Variants in ENPP5 observed in about 807,000 individuals in gnomAD.
ENPP5 encodes the protein ectonucleotide pyrophosphatase/phosphodiesterase family member 5.
A neutral mutation model predicts 33.7 loss-of-function variants in ENPP5; 27 were observed. The ratio of observed to expected loss-of-function variants is 0.80; its 90% CI spans 0.59 to 1.11. The LOEUF (loss-of-function observed/expected upper bound fraction) is 1.11. Ranked by LOEUF, ENPP5 falls within the 50% of genes least tolerant of loss-of-function variation. The probability of loss-of-function intolerance (pLI) is 0.00; values close to 1 mark genes in which losing one functional copy is unlikely to be tolerated. For missense variants in ENPP5, 552 were observed against 579.2 expected (o/e 0.95, Z 0.48); for synonymous variants, 199 against 200.5 (o/e 0.99, Z 0.06).
intron 4 of ENPP5, among the ~76,000 whole-genome samples, chr6:46,164,584 A>G (rs1174618158): frequency 1.3e-5 from 2 of 152,164 alleles, no homozygotes; most frequent in Non-Finnish European, 2.9e-5. Context: ...GGGCCCTTTG[A>G]ATTTATATTA....
intron 4 of ENPP5, among the ~76,000 whole-genome samples, chr6:46,163,968 C>T (rs1277141347): frequency 3.3e-5 from 5 of 152,286 alleles, no homozygotes; most frequent in Admixed American, 2.0e-4. Flanking sequence ...AAGACTTAAA[C>T]GCTAGACCTA....
In ENPP5 at chr6:46,167,651, C is replaced by T. The variant is rs201860227; in HGVS notation, c.612G>A (p.Met204Ile). 16 of 1,614,180 alleles carry T rather than the reference C, an allele frequency of 9.9e-6. 1 individual carries two copies. The Admixed American group carries it at 2.2e-4, about 22-fold the overall frequency. Residue 204 changes from methionine (M) to isoleucine (I), a missense_variant, in exon 3 of 5, where the codon ATG becomes ATA. Met to Ile is a conservative substitution (Grantham distance 10, BLOSUM62 1). Coordinates refer to ENST00000371383, the MANE Select transcript of ENPP5 (RefSeq NM_001290072.2). ...TGTCAATATCTGAAATGACAGGCCC[C>T]ATGAGCGGACTGTCAGGTCCCAAAT... is the stretch of plus-strand genomic sequence containing the variant. ...GHHLGPDSPL[M>I]GPVISDIDKK...
Position 46,161,385 on chromosome 6 carries a change from G to T in ENPP5, c.1375C>A (p.Gln459Lys), listed in dbSNP as rs1425921343. The T allele has an allele frequency of 1.2e-6, 2 of 1,613,474 alleles. No individual in the cohort carries two copies. The highest frequency in any genetic ancestry group is 1.1e-5 in the South Asian group (1 of 91,030). The change falls in exon 5 of 5, where the codon CAA becomes AAA. Residue 459 changes from glutamine (Q) to lysine (K), a missense_variant. Transcript: ENST00000371383. ...TGCATATCTTGTAAGGCAGGTATTT[G>T]ACTGTGAATTAAATGCTTAATGAAA... ...VIFIKHLIHS[Q>K]IPALQDMHAE...
intron 3 of ENPP5, 127 bp downstream of exon 3, chr6:46,167,307 C>A: frequency 1.5e-5 from 10 of 655,170 alleles, no homozygotes; most frequent in South Asian, 7.6e-5. Context: ...GGATTAAATC[C>A]CAGAATATTA....
intron 1 of ENPP5, 140 bp downstream of exon 1, chr6:46,170,668 T>C (rs7740398): frequency 0.31 from 46,460 of 151,986 alleles, 7,581 homozygotes; most frequent in Middle Eastern, 0.41. Flanking sequence ...GCGTAGGTTA[T>C]GTTCCCAATT....
In ENPP5 at chr6:46,161,738, T is replaced by C; in HGVS notation, c.1022A>G (p.Tyr341Cys). The C allele has an allele frequency of 6.2e-7, 1 of 1,609,126 alleles. No homozygotes were observed. Among genetic ancestry groups the C allele is most frequent in the Non-Finnish European group, 8.5e-7 (1 of 1,179,354 alleles). ...SDDFLLGNHG[Y>C]DNALADMHPI... ...ATGCATATCTGCTAACGCATTATCG[T>C]AACCGTGGTTGCCTACTGTAAAGAG... Residue 341 changes from tyrosine (Y) to cysteine (C), a missense_variant, in exon 5 of 5, where the codon TAC becomes TGC. Coordinates refer to ENST00000371383, the MANE Select transcript of ENPP5 (RefSeq NM_001290072.2).
In ENPP5 at chr6:46,160,155, A is replaced by G. The variant is rs1764341256; in HGVS notation, c.*1171T>C. On this transcript the variant is annotated 3_prime_UTR_variant, in exon 5 of 5. Coordinates refer to ENST00000371383, the MANE Select transcript of ENPP5 (RefSeq NM_001290072.2). ...CCCGTGTTTTGATACCTGTTACCAC[A>G]AAGAGTTATTTTGCTGCTTTTTCTA... The G allele has an allele frequency of 6.6e-6, 1 of 152,192 alleles. No homozygotes were observed. The highest frequency in any genetic ancestry group is 2.4e-5 in the African/African-American group (1 of 41,450). The allele number at this position is 152,192 out of a possible 1,614,324, so 9.4% of individuals were successfully genotyped here.
rs572388465 is a variant in ENPP5, at chr6:46,170,791, C to G, written c.-98+17G>C. On this transcript the variant is annotated intron_variant, in intron 1 of 4. Coordinates refer to ENST00000371383, the MANE Select transcript of ENPP5 (RefSeq NM_001290072.2). ...GTGGGTTCCCGGGAGGGAAGCCACC[C>G]ACGCCCCTGGACTCACCCTCGCAGC... 1 of 152,396 alleles carries G rather than the reference C, an allele frequency of 6.6e-6. No homozygotes were observed. Among genetic ancestry groups the G allele is most frequent in the Non-Finnish European group, 1.5e-5 (1 of 68,150 alleles). 9.4% of individuals were successfully genotyped at this position (152,396 alleles called of 1,614,324 possible). A position where few individuals can be genotyped will look rare whatever the true frequency, so the allele number is the denominator to read the frequency against.
chr6:46,165,627 A>G (rs576026923), intron 3 of ENPP5, 64 bp from the exon 4 acceptor site: 3 of 1,266,136 alleles, frequency 2.4e-6, no homozygotes, highest in South Asian at 1.9e-5. Flanking sequence ...GCCATGGGCA[A>G]CAGACTTGCT....
intron 4 of ENPP5, among the ~76,000 whole-genome samples, chr6:46,164,361 A>T (rs1764474433): frequency 6.6e-6 from 1 of 152,246 alleles, no homozygotes; most frequent in Non-Finnish European, 1.5e-5. Context: ...CTCTCAGCTG[A>T]TGTGGATGCT....
chr6:46,165,370 T>C lies in ENPP5; in HGVS notation c.1006+17A>G. The C allele has an allele frequency of 6.6e-7, 1 of 1,519,912 alleles. No individual in the cohort carries two copies. The allele number at this position is 1,519,912 out of a possible 1,614,324, so 94.2% of individuals were successfully genotyped here. ...AAAAGTAATGCAGAATGGAAAGAAATACTGTAACATACTCACACAGAAAGT... is the reference window on the plus strand; with the variant it reads ...AAAAGTAATGCAGAATGGAAAGAAACACTGTAACATACTCACACAGAAAGT... On this transcript the variant is annotated intron_variant, in intron 4 of 4. Coordinates refer to ENST00000371383, the MANE Select transcript of ENPP5 (RefSeq NM_001290072.2).
chr6:46,167,978 C>T lies in ENPP5; in HGVS notation c.285G>A (p.Met95Ile). The T allele has an allele frequency of 1.2e-6, 2 of 1,614,172 alleles. No homozygotes were observed. Among genetic ancestry groups the T allele is most frequent in the Non-Finnish European group, 1.7e-6 (2 of 1,180,032 alleles). Residue 95 changes from methionine (M) to isoleucine (I), a missense_variant, in exon 3 of 5, where the codon ATG becomes ATA. Met to Ile is a conservative substitution (Grantham distance 10, BLOSUM62 1). Transcript: ENST00000371383. ...AAGATTTGTTCCGAATAGGATCAAA[C>T]ATATCATTTGCAACAATCCCATGAT... ...AENHGIVAND[M>I]FDPIRNKSFS... is the part of the protein sequence containing the mutation.
Position 46,161,539 on chromosome 6 carries a change from G to A in ENPP5, c.1221C>T (p.Val407=). 6.2e-7 allele frequency: 1 copy of A among 1,613,902 alleles called. No individual in the cohort carries two copies. Among genetic ancestry groups the A allele is most frequent in the Non-Finnish European group, 8.5e-7 (1 of 1,179,848 alleles). The part of the protein sequence containing the change: ...DLLNSAMPRV[V]PYTQSTILLP... ...GGAGTATAGTACTCTGTGTATAAGG[G>A]ACCACCCTTGGCATTGCTGAATTGA... Residue 407 remains valine, a synonymous_variant, in exon 5 of 5, where the codon GTC becomes GTT. Transcript: ENST00000371383.
rs776759438 is a variant in ENPP5 at position 46,165,441 on chromosome 6, C to T, written c.952G>A (p.Ala318Thr). 6.8e-6 allele frequency: 11 copies of T among 1,607,760 alleles called. No individual in the cohort carries two copies. Among genetic ancestry groups the T allele is most frequent in the African/African-American group, 1.3e-5 (1 of 74,544 alleles). The change falls in exon 4 of 5, where the codon GCA becomes ACA. Residue 318 changes from alanine (A) to threonine (T), a missense_variant. Transcript: ENST00000371383. ...ATGTGCCACCCTTCATCAGCCACTGCTATGATTGGTTGAATTCGACTGTTG... is the reference window on the plus strand; with the variant it reads ...ATGTGCCACCCTTCATCAGCCACTGTTATGATTGGTTGAATTCGACTGTTG... The part of the protein sequence containing the change: ...KYNSRIQPII[A>T]VADEGWHILQ...
In ENPP5 at chr6:46,161,800, A is replaced by G. The variant is rs577347263; in HGVS notation, c.1007-47T>C. 2.2e-6 allele frequency: 3 copies of G among 1,379,524 alleles called. No individual in the cohort carries two copies. In the East Asian group the frequency reaches 6.9e-5, roughly 32 times the overall value. The allele number at this position is 1,379,524 out of a possible 1,614,324, so 85.5% of individuals were successfully genotyped here. On this transcript the variant is annotated intron_variant, in intron 4 of 4. Transcript: ENST00000371383. ...AAAAGTTAGCCAACTATGCATTAAA[A>G]TGGACATAATTGTTGTATGGTCAAA...
At position 46,161,466 on chromosome 6, in the gene ENPP5, G is replaced by A. The variant is rs1269811346; in HGVS notation, c.1294C>T (p.Pro432Ser). 2.5e-6 allele frequency: 4 copies of A among 1,613,906 alleles called. No homozygotes were observed. The Admixed American group carries it at 6.7e-5, about 27-fold the overall frequency. ...CCAAGAGAGACCCCTATGAAATAAGGGTATGACCCCTCTTGGTCATATTCT... is the reference window on the plus strand; with the variant it reads ...CCAAGAGAGACCCCTATGAAATAAGAGTATGACCCCTCTTGGTCATATTCT... ...PAEYDQEGSY[P>S]YFIGVSLGSI... Residue 432 changes from proline to serine, a missense_variant, in exon 5 of 5, where the codon CCT becomes TCT. Pro to Ser is a moderately conservative substitution (Grantham distance 74). Transcript: ENST00000371383.
chr6:46,167,128 T>A (rs1007279687), intron 3 of ENPP5, among the ~76,000 whole-genome samples: 1 of 152,174 alleles, frequency 6.6e-6, no homozygotes, highest in Admixed American at 6.5e-5. Flanking sequence ...TATCTTTCCA[T>A]CTCAATTTTT....
intron 2 of ENPP5, among the ~76,000 whole-genome samples, chr6:46,168,712 T>C (rs1764632119): frequency 6.6e-6 from 1 of 152,078 alleles, no homozygotes; most frequent in Non-Finnish European, 1.5e-5. Flanking sequence ...TATGGCAACC[T>C]AGCAACAATG....
intron 2 of ENPP5, 24 bp from the exon 3 acceptor site, chr6:46,168,321 T>A: frequency 8.7e-7 from 1 of 1,145,038 alleles, no homozygotes; most frequent in Non-Finnish European, 1.2e-6. Flanking sequence ...ATATAGAAAT[T>A]AAAGGCAATA....
Sources: allele counts gnomAD v4.1 joint callset (sites outside exome capture counted in the v4.1 genomes callset), GRCh38; gene constraint gnomAD v4.1.1; transcripts MANE v1.5; gene names NCBI Gene and HGNC (gene_info 2026-07-23, HGNC 2026-07-21).